ITPR2: variants seen among roughly 807,000 people sequenced by gnomAD.
The protein encoded by ITPR2 is inositol 1,4,5-trisphosphate receptor type 2, also known as inositol 1,4,5-trisphosphate-gated calcium channel ITPR2.
In ITPR2, 207 loss-of-function variants were observed where a neutral mutation model predicts 317.1. The ratio of observed to expected loss-of-function variants is 0.65; its 90% CI spans 0.58 to 0.73. The LOEUF is 0.73. ITPR2 is among the 30% of genes least tolerant of loss of function. The pLI, the probability that ITPR2 is intolerant of heterozygous loss-of-function variation, is 0.00. For missense variants in ITPR2, 2,613 were observed against 3,284.0 expected (o/e 0.80, Z 4.99); for synonymous variants, 1,156 against 1,149.1 (o/e 1.01, Z -0.12).
chr12:26,473,554 T>C (rs1942342926), intron 45 of ITPR2, among the ~76,000 whole-genome samples: 1 of 152,226 alleles, frequency 6.6e-6, no homozygotes, highest in East Asian at 1.9e-4. Context: ...CTGAAACTTA[T>C]TACTGCTCAT....
chr12:26,555,744 C>T (rs1269140681), intron 36 of ITPR2, among the ~76,000 whole-genome samples: 2 of 152,196 alleles, frequency 1.3e-5, no homozygotes, highest in Non-Finnish European at 2.9e-5. Flanking sequence ...ACCTGAAGCA[C>T]ACGTGGTCCT....
intron 36 of ITPR2, 46 bp from the exon 37 acceptor site, chr12:26,550,401 C>T: frequency 1.2e-6 from 1 of 837,298 alleles, no homozygotes; most frequent in Non-Finnish European, 2.0e-6. Flanking sequence ...GATTTCTCTT[C>T]AAGCTATATA....
chr12:26,431,380 C>T (rs1015882295), intron 48 of ITPR2, among the ~76,000 whole-genome samples: 6 of 152,186 alleles, frequency 3.9e-5, no homozygotes, highest in Non-Finnish European at 8.8e-5. Context: ...GACTTCCAGG[C>T]TATTCCCAGC....
chr12:26,685,075 C>T (rs1250251792), intron 11 of ITPR2, among the ~76,000 whole-genome samples: 2 of 152,140 alleles, frequency 1.3e-5, no homozygotes, highest in Non-Finnish European at 2.9e-5. Flanking sequence ...TAACTTTTTA[C>T]CCTCCCTGGA....
At chr12:26,625,563 G>A (rs1054460337) in intron 23 of ITPR2, among the ~76,000 whole-genome samples, 2 of 152,042 alleles carry the variant, frequency 1.3e-5, no homozygotes, top group African/African-American at 4.8e-5. Flanking sequence ...ATTTTTTAAT[G>A]TAAACTATGT....
At chr12:26,747,608 A>C (rs1469053713) in intron 2 of ITPR2, among the ~76,000 whole-genome samples, 1 of 152,176 alleles carries the variant, frequency 6.6e-6, no homozygotes, top group Non-Finnish European at 1.5e-5. Flanking sequence ...TTTTACTGCT[A>C]CACTTCTCCA....
intron 54 of ITPR2, 34 bp from the exon 55 acceptor site, chr12:26,387,628 C>A: frequency 3.8e-6 from 6 of 1,594,272 alleles, no homozygotes; most frequent in South Asian, 3.4e-5. Context: ...ATATGTAATT[C>A]GTCATTTAAT....
At chr12:26,647,961 G>A (rs1460618757) in intron 21 of ITPR2, among the ~76,000 whole-genome samples, 1 of 152,052 alleles carries the variant, frequency 6.6e-6, no homozygotes, top group African/African-American at 2.4e-5. Flanking sequence ...TGCTGAGCGT[G>A]CCAACTATAA....
chr12:26,638,688 G>C (rs1182222338), intron 21 of ITPR2, among the ~76,000 whole-genome samples: 1 of 152,172 alleles, frequency 6.6e-6, no homozygotes, highest in Non-Finnish European at 1.5e-5. Context: ...TTTCGTCATT[G>C]ACTTGGGTGA....
intron 45 of ITPR2, among the ~76,000 whole-genome samples, chr12:26,445,161 G>A (rs778929527): frequency 2.8e-4 from 42 of 152,162 alleles, no homozygotes; most frequent in Non-Finnish European, 6.0e-4. Context: ...AATTAAGGAT[G>A]ATTCCAAAGT....
chr12:26,355,005 G>A (rs1269823114), intron 55 of ITPR2, among the ~76,000 whole-genome samples: 2 of 152,136 alleles, frequency 1.3e-5, no homozygotes, highest in Admixed American at 6.5e-5. Flanking sequence ...GATCACCTGG[G>A]AAATGGTTAG....
intron 37 of ITPR2, among the ~76,000 whole-genome samples, chr12:26,539,120 T>C (rs1450247274): frequency 1.3e-5 from 2 of 152,188 alleles, no homozygotes; most frequent in African/African-American, 4.8e-5. Flanking sequence ...TGAGGACCTG[T>C]TCAAACAGTA....
chr12:26,609,453 A>C (rs891019073), intron 26 of ITPR2, among the ~76,000 whole-genome samples: 1 of 152,108 alleles, frequency 6.6e-6, no homozygotes, highest in Non-Finnish European at 1.5e-5. Context: ...CAAAAAATAC[A>C]AAAATCAGCC....
intron 37 of ITPR2, among the ~76,000 whole-genome samples, chr12:26,533,181 T>C (rs761197399): frequency 2.6e-5 from 4 of 152,224 alleles, no homozygotes; most frequent in Non-Finnish European, 5.9e-5. Context: ...TTCCCACTTA[T>C]CTTGGAACCA....
At chr12:26,410,569 A>G (rs886869333) in intron 52 of ITPR2, among the ~76,000 whole-genome samples, 1 of 152,116 alleles carries the variant, frequency 6.6e-6, no homozygotes, top group Non-Finnish European at 1.5e-5. Flanking sequence ...TCCTAAGTCT[A>G]ACTTTGCCCT....
At chr12:26,644,729 T>C (rs893667607) in intron 21 of ITPR2, among the ~76,000 whole-genome samples, 1 of 152,060 alleles carries the variant, frequency 6.6e-6, no homozygotes, top group African/African-American at 2.4e-5. Flanking sequence ...GCCCCTCCCA[T>C]GACACGTGGG....
chr12:26,622,456 C>T, intron 24 of ITPR2, 51 bp from the exon 25 acceptor site: 1 of 1,388,654 alleles, frequency 7.2e-7, no homozygotes, highest in Non-Finnish European at 9.8e-7. Flanking sequence ...ATAACATCTA[C>T]ACTTCAGTAT....
chr12:26,717,058 AT>A (rs1243751673), intron 5 of ITPR2, among the ~76,000 whole-genome samples: 1 of 152,186 alleles, frequency 6.6e-6, no homozygotes, highest in African/African-American at 2.4e-5. Context: ...AATTTCCATT[AT>A]TAAAGTTACT....
At chr12:26,565,484 TGATAGATAGATA>T (rs75320702) in intron 34 of ITPR2, among the ~76,000 whole-genome samples, 9,765 of 138,768 alleles carry the variant, frequency 0.07, 439 homozygotes, top group Non-Finnish European at 0.11. Context: ...GATAGACAGA[TGATAGATAGATA>T]GATAGATAGA....
Sources: allele counts gnomAD v4.1 joint callset (sites outside exome capture counted in the v4.1 genomes callset), GRCh38; gene constraint gnomAD v4.1.1; transcripts MANE v1.5; gene names NCBI Gene and HGNC (gene_info 2026-07-23, HGNC 2026-07-21).